Variants in MTRF1 observed in about 807,000 individuals in gnomAD.
MTRF1 encodes peptide chain release factor 1, mitochondrial.
In MTRF1, 51 loss-of-function variants were observed where a neutral mutation model predicts 62.9. That is an observed-to-expected ratio of 0.81 (90% CI 0.65 to 1.02). MTRF1 has a LOEUF of 1.02. Ranked by LOEUF, MTRF1 falls within the 50% of genes least tolerant of loss-of-function variation. The pLI is 0.00. For missense variants in MTRF1, 446 were observed against 530.0 expected (o/e 0.84, Z 1.56); for synonymous variants, 158 against 181.9 (o/e 0.87, Z 1.06).
intron 1 of MTRF1, 198 bp downstream of exon 1, chr13:41,263,287 C>A (rs770840629): frequency 7.8e-7 from 1 of 1,289,342 alleles, no homozygotes; most frequent in Non-Finnish European, 1.0e-6. Context: ...GAGAACAGCA[C>A]GACTTCTCCA....
the MTRF1 span, among the ~76,000 whole-genome samples, chr13:41,281,999 G>T: frequency 3.3e-5 from 5 of 152,006 alleles, no homozygotes; most frequent in African/African-American, 1.2e-4. Context: ...TTAGCCAGGC[G>T]TGGTGGCGGG....
chr13:41,220,355 C>G (rs375770907), intron 9 of MTRF1, among the ~76,000 whole-genome samples: 1 of 109,584 alleles, frequency 9.1e-6, no homozygotes, highest in Non-Finnish European at 1.9e-5. Context: ...AACAGGAAAA[C>G]AAAGTACATT....
At chr13:41,220,323 G>GAAAAAAAA (rs1555243201) in intron 9 of MTRF1, among the ~76,000 whole-genome samples, 1 of 93,326 alleles carries the variant, frequency 1.1e-5, no homozygotes, top group Non-Finnish European at 2.0e-5. Flanking sequence ...AATCTGTCTC[G>GAAAAAAAA]GAAAAAAAAA....
chr13:41,250,422 C>T (rs2038920144), intron 5 of MTRF1, among the ~76,000 whole-genome samples: 1 of 152,148 alleles, frequency 6.6e-6, no homozygotes, highest in African/African-American at 2.4e-5. Context: ...TCTGAGCTGA[C>T]AGGTATCAAA....
At chr13:41,300,855 C>T in the MTRF1 span, among the ~76,000 whole-genome samples, 1 of 152,226 alleles carries the variant, frequency 6.6e-6, no homozygotes, top group Admixed American at 6.5e-5. Context: ...AGATAATGGG[C>T]GAGGCAGCTA....
chr13:41,253,900 G>A (rs1182563065), intron 3 of MTRF1, among the ~76,000 whole-genome samples: 4 of 152,160 alleles, frequency 2.6e-5, no homozygotes, highest in Non-Finnish European at 1.5e-5. Flanking sequence ...TAGGAGGACG[G>A]CAAACGTGAC....
chr13:41,293,756 TAAATA>T, the MTRF1 span, among the ~76,000 whole-genome samples: 6 of 152,212 alleles, frequency 3.9e-5, no homozygotes, highest in African/African-American at 1.2e-4. Context: ...TTAGGTAAAT[TAAATA>T]AATTTCCATA....
intron 9 of MTRF1, chr13:41,220,691 G>A (rs1416582620): frequency 1.1e-6 from 1 of 905,388 alleles, no homozygotes; most frequent in East Asian, 6.2e-5. Context: ...GGTTCTTTCT[G>A]TCTATTTCTC....
intron 9 of MTRF1, 118 bp from the exon 10 acceptor site, chr13:41,217,346 T>C: frequency 3.5e-6 from 2 of 576,846 alleles, no homozygotes; most frequent in Middle Eastern, 3.3e-4. Flanking sequence ...GGATTACTAA[T>C]GTTCTGTAAT....
intron 5 of MTRF1, among the ~76,000 whole-genome samples, chr13:41,247,101 T>C (rs2038368673): frequency 6.6e-6 from 1 of 151,932 alleles, no homozygotes; most frequent in African/African-American, 2.4e-5. Flanking sequence ...TCTCCAAGGG[T>C]TTTTGTGAGG....
intron 5 of MTRF1, among the ~76,000 whole-genome samples, chr13:41,249,937 T>C (rs970744899): frequency 6.6e-6 from 1 of 152,084 alleles, no homozygotes; most frequent in African/African-American, 2.4e-5. Context: ...TTTAAAGATA[T>C]ATGAGTAAAA....
At chr13:41,302,433 G>A in the MTRF1 span, among the ~76,000 whole-genome samples, 33 of 152,096 alleles carry the variant, frequency 2.2e-4, no homozygotes, top group Middle Eastern at 0.01. Flanking sequence ...TATTTTTGAG[G>A]ATTTTCAAAA....
chr13:41,252,924 TA>T (rs2039257246), intron 4 of MTRF1, 24 bp downstream of exon 4: 4 of 1,535,340 alleles, frequency 2.6e-6, no homozygotes, highest in Non-Finnish European at 3.6e-6. Flanking sequence ...TTAGATCATT[TA>T]AATAATAAAG....
upstream of MTRF1, among the ~76,000 whole-genome samples, chr13:41,264,585 T>G (rs543013438): frequency 2.3e-4 from 35 of 152,374 alleles, no homozygotes; most frequent in African/African-American, 8.2e-4. Flanking sequence ...TAGCTATATA[T>G]GCAAAATAAT....
chr13:41,292,960 C>T, the MTRF1 span, among the ~76,000 whole-genome samples: 3 of 152,042 alleles, frequency 2.0e-5, no homozygotes, highest in Non-Finnish European at 2.9e-5. Context: ...CAAACTGCCA[C>T]AAAAACTTAT....
chr13:41,275,664 T>G, the MTRF1 span, among the ~76,000 whole-genome samples: 1 of 152,038 alleles, frequency 6.6e-6, no homozygotes, highest in African/African-American at 2.4e-5. Context: ...GGCTAATTTT[T>G]GTATTTTTAG....
At chr13:41,231,815 C>T (rs1593694838) in intron 7 of MTRF1, among the ~76,000 whole-genome samples, 1 of 144,764 alleles carries the variant, frequency 6.9e-6, no homozygotes, top group East Asian at 2.0e-4. Flanking sequence ...CTGAGGCAGG[C>T]AGATCACTTG....
the MTRF1 span, chr13:41,311,171 G>T: frequency 1.3e-5 from 5 of 387,634 alleles, 1 homozygote; most frequent in South Asian, 1.6e-4. Context: ...GTTGGTCCCC[G>T]CTACGCCCCC....
chr13:41,261,474 C>A (rs1239308716), intron 1 of MTRF1: 4 of 152,268 alleles, frequency 2.6e-5, no homozygotes, highest in Non-Finnish European at 2.9e-5. Flanking sequence ...AGTAGGAGTA[C>A]AACTAACAAA....
Sources: allele counts gnomAD v4.1 joint callset (sites outside exome capture counted in the v4.1 genomes callset), GRCh38; gene constraint gnomAD v4.1.1; transcripts MANE v1.5; gene names NCBI Gene and HGNC (gene_info 2026-07-23, HGNC 2026-07-21).